Variants in ABHD2 observed in about 807,000 individuals in gnomAD.
The protein encoded by ABHD2 is monoacylglycerol lipase ABHD2.
ABHD2 carries 20 observed loss-of-function variants against 48.1 expected under a neutral mutation model. That is an observed-to-expected ratio of 0.42 (90% CI 0.29 to 0.60). The LOEUF is 0.60. ABHD2 is among the 20% of genes least tolerant of loss of function. The probability of loss-of-function intolerance (pLI) is 0.24; values close to 1 mark genes in which losing one functional copy is unlikely to be tolerated. For missense variants in ABHD2, 405 were observed against 550.9 expected, an observed-to-expected ratio of 0.74 and a Z score of 2.65; for synonymous variants, 209 against 214.2, an observed-to-expected ratio of 0.98 and a Z score of 0.21.
rs536926655 is a variant in ABHD2, at chr15:89,191,222, C to G, written c.996+73C>G. On this transcript the variant is annotated intron_variant, in intron 9 of 10. Coordinates refer to ENST00000352732, the MANE Select transcript of ABHD2 (RefSeq NM_152924.5). The stretch of plus-strand genomic sequence containing the variant: ...CGCACACAATACGACAGATACCTCT[C>G]CTGAATTTTCCTGGTGGAAGCTCAG... 1.2e-5 allele frequency: 17 copies of G among 1,461,744 alleles called. No individual in the cohort carries two copies. In the Admixed American group the frequency reaches 3.1e-4, roughly 26 times the overall value. The allele number at this position is 1,461,744 out of a possible 1,614,324, so 90.5% of individuals were successfully genotyped here. A position where few individuals can be genotyped will look rare whatever the true frequency, so the allele number is the denominator to read the frequency against.
intron 3 of ABHD2, among the ~76,000 whole-genome samples, chr15:89,148,621 G>A (rs1326337239): frequency 6.6e-6 from 1 of 152,214 alleles, no homozygotes; most frequent in East Asian, 1.9e-4. Context: ...GGCTTACAAG[G>A]AGGAGAGTGC....
rs1243348864 is a variant in ABHD2, at chr15:89,165,735, G to C, written c.539-10077G>C. ...TTTCTTGAAGTGTATTTATTATAAA[G>C]AGCCTAATCTTTAATCGAGGCACTG... On this transcript the variant is annotated intron_variant, in intron 5 of 10. Coordinates refer to ENST00000352732, the MANE Select transcript of ABHD2 (RefSeq NM_152924.5). Among the ~76,000 whole-genome samples the C allele has an allele frequency of 6.6e-5, 10 of 152,178 alleles. 1 individual carries two copies. In the South Asian group the frequency reaches 1.7e-3, roughly 25 times the overall value.
In ABHD2 at chr15:89,165,586, TA is replaced by T. The variant is rs889479582; in HGVS notation, c.538+10064del. 3.4e-3 allele frequency among the ~76,000 whole-genome samples: 500 copies of T among 148,022 alleles called. 2 individuals are homozygous for T. The highest frequency in any genetic ancestry group is 0.011 in the African/African-American group (452 of 40,554). On this transcript the variant is annotated intron_variant, in intron 5 of 10. Transcript: ENST00000352732. ...GGGCAACATAGCAAGTCCTTGTCTC[TA>T]AAAAAAAAAAATTTTTTTAACTAAT...
At chr15:89,130,191 T>A (rs900432506) in intron 3 of ABHD2, among the ~76,000 whole-genome samples, 2 of 152,364 alleles carry the variant, frequency 1.3e-5, no homozygotes, top group Middle Eastern at 3.4e-3. Flanking sequence ...TATACTGTGG[T>A]AACTAATTAC....
At chr15:89,144,043 G>A (rs1329502554) in intron 3 of ABHD2, among the ~76,000 whole-genome samples, 1 of 152,170 alleles carries the variant, frequency 6.6e-6, no homozygotes, top group Non-Finnish European at 1.5e-5. Context: ...ACAACCCAGA[G>A]AATTGAAAAC....
chr15:89,185,489 A>T lies in ABHD2; in HGVS notation c.788A>T (p.Asn263Ile). 6.2e-7 allele frequency: 1 copy of T among 1,614,068 alleles called. No homozygotes were observed. ...TTCTACAACTTCCTCATGGCTGACAACATGAAGAAGATCATCCTCTCGCAC... is the reference window on the plus strand; with the variant it reads ...TTCTACAACTTCCTCATGGCTGACATCATGAAGAAGATCATCCTCTCGCAC... ...RRFYNFLMAD[N>I]MKKIILSHRQ... The change falls in exon 7 of 11, where the codon AAC becomes ATC. Residue 263 changes from asparagine to isoleucine, a missense_variant. Coordinates refer to ENST00000352732, the MANE Select transcript of ABHD2 (RefSeq NM_152924.5). This position sits in a 1 kb window ranked among gnomAD's most constrained non-coding sequence, Gnocchi z 5.9.
chr15:89,133,998 G>A (rs561635689), intron 3 of ABHD2, among the ~76,000 whole-genome samples: 6 of 151,820 alleles, frequency 4.0e-5, no homozygotes, highest in African/African-American at 1.5e-4. Flanking sequence ...CACCACGACC[G>A]GCTAATTTTT....
At chr15:89,187,004 C>T (rs1400629061) in intron 7 of ABHD2, among the ~76,000 whole-genome samples, 1 of 152,188 alleles carries the variant, frequency 6.6e-6, no homozygotes, top group East Asian at 1.9e-4. Context: ...TCCCACTTGG[C>T]TCATGTTGTT....
At chr15:89,162,261 A>G (rs2050774314) in intron 5 of ABHD2, among the ~76,000 whole-genome samples, 2 of 152,042 alleles carry the variant, frequency 1.3e-5, no homozygotes, top group South Asian at 4.1e-4. Flanking sequence ...GAGCAATTCA[A>G]TTTCCCCATT....
In ABHD2 at chr15:89,177,145, A is replaced by T. The variant is rs2051027388; in HGVS notation, c.722+1150A>T. 6.6e-6 allele frequency among the ~76,000 whole-genome samples: 1 copy of T among 152,142 alleles called. No individual in the cohort carries two copies. The highest frequency in any genetic ancestry group is 2.1e-4 in the South Asian group (1 of 4,818). ...GATGAAACCCTTCCTGAGTCCCAGG[A>T]CCAAGGTCTGGGTTCTATTTTTCCG... is the stretch of plus-strand genomic sequence containing the variant. On this transcript the variant is annotated intron_variant, in intron 6 of 10. Coordinates refer to ENST00000352732, the MANE Select transcript of ABHD2 (RefSeq NM_152924.5). The surrounding 1 kb of genome is among the most constrained non-coding windows in gnomAD (Gnocchi z 5.6).
chr15:89,170,888 G>A (rs538181787), intron 5 of ABHD2, among the ~76,000 whole-genome samples: 43 of 152,190 alleles, frequency 2.8e-4, no homozygotes, highest in Non-Finnish European at 4.4e-4. Context: ...GAGGCCGAGG[G>A]GGGCGGATCA....
intron 3 of ABHD2, among the ~76,000 whole-genome samples, chr15:89,122,665 C>CT (rs1456123080): frequency 6.6e-6 from 1 of 152,226 alleles, no homozygotes; most frequent in Non-Finnish European, 1.5e-5. Context: ...CCACCCTTCC[C>CT]TCTGGGCCTG....
Position 89,201,063 on chromosome 15 carries a change from C to T in ABHD2, c.*5640C>T. 1.3e-6 allele frequency: 1 copy of T among 788,918 alleles called. No individual in the cohort carries two copies. The highest frequency in any genetic ancestry group is 2.2e-6 in the Non-Finnish European group (1 of 452,220). 48.9% of individuals were successfully genotyped at this position (788,918 alleles called of 1,614,324 possible). A position where few individuals can be genotyped will look rare whatever the true frequency, so the allele number is the denominator to read the frequency against. ...CGCCTCTGCACTCCAGCCTGGGCAA[C>T]AAGAGTGAGACTCCGTCTCCAAAAA... is the stretch of plus-strand genomic sequence containing the variant. On this transcript the variant is annotated 3_prime_UTR_variant, in exon 11 of 11. Transcript: ENST00000352732.
At position 89,195,945 on chromosome 15, in the gene ABHD2, G is replaced by A. The variant is rs984008286; in HGVS notation, c.*522G>A. 6.6e-6 allele frequency: 1 copy of A among 152,608 alleles called. No homozygotes were observed. The highest frequency in any genetic ancestry group is 2.4e-5 in the African/African-American group (1 of 41,414). 9.5% of individuals were successfully genotyped at this position (152,608 alleles called of 1,614,324 possible). ...AGAGTGTGGCTTCTTAAACGGCAAA[G>A]GAAATTCCTTTGAGTCACAAGCCAA... is the stretch of plus-strand genomic sequence containing the variant. On this transcript the variant is annotated 3_prime_UTR_variant, in exon 11 of 11. Transcript: ENST00000352732. This position sits in a 1 kb window ranked among gnomAD's most constrained non-coding sequence, Gnocchi z 5.1.
chr15:89,110,111 TCTCA>T (rs1361780069), intron 1 of ABHD2, among the ~76,000 whole-genome samples: 2 of 152,162 alleles, frequency 1.3e-5, no homozygotes, highest in Admixed American at 1.3e-4. Flanking sequence ...TAAGACGGAC[TCTCA>T]CTCTGTTGCC....
chr15:89,193,220 A>G lies in ABHD2; in HGVS notation c.997-15A>G. 6.2e-7 allele frequency: 1 copy of G among 1,613,496 alleles called. No individual in the cohort carries two copies. The highest frequency in any genetic ancestry group is 1.3e-5 in the African/African-American group (1 of 75,032). ...GGAATCAGTAGTTTAATTCTGCTTTATGTTCTTGTTGCAGATTTATGTTCC... is the reference window on the plus strand; with the variant it reads ...GGAATCAGTAGTTTAATTCTGCTTTGTGTTCTTGTTGCAGATTTATGTTCC... On this transcript the variant is annotated splice_polypyrimidine_tract_variant and intron_variant, in intron 9 of 10. Coordinates refer to ENST00000352732, the MANE Select transcript of ABHD2 (RefSeq NM_152924.5).
chr15:89,064,692 TAA>T, the ABHD2 span, among the ~76,000 whole-genome samples: 3 of 152,212 alleles, frequency 2.0e-5, no homozygotes, highest in Admixed American at 6.5e-5. Context: ...AGATATTTTA[TAA>T]GTTATTTAAC....
chr15:89,169,789 G>C (rs2050891219), intron 5 of ABHD2, among the ~76,000 whole-genome samples: 1 of 151,932 alleles, frequency 6.6e-6, no homozygotes, highest in African/African-American at 2.4e-5. Flanking sequence ...TTTTAAAACT[G>C]GTTAGATTCA....
chr15:89,187,413 T>C (rs1205091889), intron 7 of ABHD2, among the ~76,000 whole-genome samples: 2 of 152,216 alleles, frequency 1.3e-5, no homozygotes, highest in Non-Finnish European at 2.9e-5. Context: ...TACAGAAATG[T>C]GTTCTTCTTT....
Sources: allele counts gnomAD v4.1 joint callset (sites outside exome capture counted in the v4.1 genomes callset), GRCh38; gene constraint gnomAD v4.1.1; non-coding constraint Gnocchi (gnomAD v3.1); transcripts MANE v1.5; gene names NCBI Gene and HGNC (gene_info 2026-07-23, HGNC 2026-07-21).